The following PARM1 variants were observed in gnomAD, a reference collection of about 807,000 sequenced individuals.
The protein encoded by PARM1 is WSC4, cell wall integrity and stress response component 4 homolog.
A neutral mutation model predicts 24.6 loss-of-function variants in PARM1; 14 were observed. That is an observed-to-expected ratio of 0.57 (90% confidence interval 0.38 to 0.89). The LOEUF is 0.89. Among genes scored for constraint, PARM1 ranks in the 40% least tolerant of loss-of-function variants. The pLI is 0.00. For synonymous variants in PARM1, 179 were observed against 156.6 expected (o/e 1.14, Z -1.07); for missense variants, 362 against 380.4 (o/e 0.95, Z 0.40).
chr4:74,940,377 A>G (rs1283463910), intron 1 of PARM1, among the ~76,000 whole-genome samples: 5 of 152,210 alleles, frequency 3.3e-5, no homozygotes, highest in Admixed American at 1.3e-4. Context: ...CTTATAAACA[A>G]TATTTATTTC....
intron 1 of PARM1, among the ~76,000 whole-genome samples, chr4:74,971,917 T>C (rs1722045279): frequency 6.6e-6 from 1 of 152,220 alleles, no homozygotes; most frequent in African/African-American, 2.4e-5. Context: ...AGCTGGATGG[T>C]GTCTGCTCCT....
Position 74,958,333 on chromosome 4 carries a change from G to A in PARM1, c.43+24963G>A, listed in dbSNP as rs372275171. On this transcript the variant is annotated intron_variant, in intron 1 of 3. Transcript: ENST00000307428. The stretch of plus-strand genomic sequence containing the variant: ...CTTTAATGTACTAACAGTCTGGTGG[G>A]GGGCCATACATGTGTACTGAGACTA... Among the ~76,000 whole-genome samples the A allele has an allele frequency of 1.8e-4, 28 of 152,282 alleles. No individual in the cohort carries two copies. In the East Asian group the frequency reaches 4.8e-3, roughly 26 times the overall value.
chr4:75,006,433 G>A (rs1231761661), intron 1 of PARM1, among the ~76,000 whole-genome samples: 2 of 151,966 alleles, frequency 1.3e-5, no homozygotes, highest in African/African-American at 4.8e-5. Flanking sequence ...GAGAATGATG[G>A]TTTCCAGCTT....
intron 2 of PARM1, among the ~76,000 whole-genome samples, chr4:75,033,395 T>A (rs1245928816): frequency 6.6e-6 from 1 of 152,110 alleles, no homozygotes; most frequent in Non-Finnish European, 1.5e-5. Flanking sequence ...AATATTTTTA[T>A]GAAAAAACCG....
intron 1 of PARM1, among the ~76,000 whole-genome samples, chr4:75,010,912 G>T (rs1722858147): frequency 6.6e-6 from 1 of 152,166 alleles, no homozygotes; most frequent in Admixed American, 6.5e-5. Context: ...TTGGCTCATG[G>T]TTCTGCAGGC....
intron 2 of PARM1, among the ~76,000 whole-genome samples, chr4:75,033,077 G>T (rs1723302315): frequency 6.6e-6 from 1 of 152,180 alleles, no homozygotes. Flanking sequence ...CATGCTCAAA[G>T]AGTTTTTTTA....
At chr4:74,996,119 T>G (rs550234281) in intron 1 of PARM1, among the ~76,000 whole-genome samples, 2 of 152,294 alleles carry the variant, frequency 1.3e-5, no homozygotes, top group East Asian at 1.9e-4. Flanking sequence ...GAGAGGTCAC[T>G]TCCCTTTGAA....
At chr4:74,950,519 A>G (rs1721502110) in intron 1 of PARM1, among the ~76,000 whole-genome samples, 1 of 152,224 alleles carries the variant, frequency 6.6e-6, no homozygotes, top group South Asian at 2.1e-4. Flanking sequence ...ACCTGATTAT[A>G]TCTGCAAAGA....
At chr4:74,952,715 G>A (rs1159322966) in intron 1 of PARM1, among the ~76,000 whole-genome samples, 3 of 152,178 alleles carry the variant, frequency 2.0e-5, no homozygotes, top group African/African-American at 7.2e-5. Context: ...CTGGATATGA[G>A]AACATAAGAA....
intron 1 of PARM1, among the ~76,000 whole-genome samples, chr4:74,962,139 C>G (rs897830931): frequency 6.6e-6 from 1 of 152,040 alleles, no homozygotes; most frequent in Non-Finnish European, 1.5e-5. Context: ...AGATACAGTT[C>G]TGTAATATCA....
At chr4:75,029,040 A>G (rs17000106) in intron 2 of PARM1, among the ~76,000 whole-genome samples, 8,498 of 152,282 alleles carry the variant, frequency 0.056, 323 homozygotes, top group Middle Eastern at 0.085. Flanking sequence ...AGGCTTGGAC[A>G]TGAACAGAAC....
At chr4:74,982,187 T>A (rs1371716436) in intron 1 of PARM1, among the ~76,000 whole-genome samples, 1 of 152,162 alleles carries the variant, frequency 6.6e-6, no homozygotes, top group East Asian at 1.9e-4. Context: ...TGCAAACTAA[T>A]GCAGGAACAG....
At chr4:75,012,391 C>T in intron 1 of PARM1, 34 bp from the exon 2 acceptor site, 1 of 1,597,984 alleles carries the variant, frequency 6.3e-7, no homozygotes, top group Non-Finnish European at 8.6e-7. Context: ...CGTGTTTTCA[C>T]ATATTAACCA....
At chr4:75,018,549 G>A (rs914564766) in intron 2 of PARM1, among the ~76,000 whole-genome samples, 6 of 152,120 alleles carry the variant, frequency 3.9e-5, no homozygotes, top group African/African-American at 1.4e-4. Context: ...AAGGCTCTTG[G>A]TTGTAAACTG....
intron 1 of PARM1, among the ~76,000 whole-genome samples, chr4:74,979,286 G>A (rs556191742): frequency 8.4e-4 from 127 of 151,860 alleles, no homozygotes; most frequent in African/African-American, 2.9e-3. Context: ...AGGGGATATC[G>A]CCACTGACCC....
intron 1 of PARM1, among the ~76,000 whole-genome samples, chr4:74,999,883 T>G (rs377025311): frequency 3.9e-5 from 6 of 152,218 alleles, no homozygotes; most frequent in African/African-American, 1.4e-4. Context: ...TGACTCATTT[T>G]GAAAACTGCC....
rs184183196 is a variant in PARM1, at chr4:74,945,496, C to T, written c.43+12126C>T. 4.7e-4 allele frequency among the ~76,000 whole-genome samples: 71 copies of T among 152,290 alleles called. 2 individuals are homozygous for T. The highest frequency in any genetic ancestry group is 1.7e-3 in the African/African-American group (69 of 41,568). On this transcript the variant is annotated intron_variant, in intron 1 of 3. Coordinates refer to ENST00000307428, the MANE Select transcript of PARM1 (RefSeq NM_015393.4). ...AATAACCTCAACAATGTTTACCGGG[C>T]ATCACTGATGTAATGGTTAGAGAAG...
At chr4:74,973,606 G>A (rs772000379) in intron 1 of PARM1, among the ~76,000 whole-genome samples, 2 of 152,112 alleles carry the variant, frequency 1.3e-5, no homozygotes, top group African/African-American at 4.8e-5. Context: ...ACAAAGTCCT[G>A]TCCTGAGGTA....
intron 1 of PARM1, among the ~76,000 whole-genome samples, chr4:74,952,049 C>T (rs1194016078): frequency 1.3e-5 from 2 of 152,182 alleles, no homozygotes; most frequent in Admixed American, 6.5e-5. Context: ...TTTATACTCC[C>T]ACCAACAGTG....
Sources: allele counts gnomAD v4.1 joint callset (sites outside exome capture counted in the v4.1 genomes callset), GRCh38; gene constraint gnomAD v4.1.1; transcripts MANE v1.5; gene names NCBI Gene and HGNC (gene_info 2026-07-23, HGNC 2026-07-21).